The following OPCML variants were observed in gnomAD, a reference collection of about 807,000 sequenced individuals.
OPCML encodes the protein opioid-binding protein/cell adhesion molecule.
In OPCML, 13 loss-of-function variants were observed where a neutral mutation model predicts 37.8. That is an observed-to-expected ratio of 0.34 (90% confidence interval 0.22 to 0.55). The LOEUF (loss-of-function observed/expected upper bound fraction) is 0.55. Among genes scored for constraint, OPCML ranks in the 20% least tolerant of loss-of-function variants. The probability of loss-of-function intolerance (pLI) is 0.91; values close to 1 mark genes in which losing one functional copy is unlikely to be tolerated. For missense variants in OPCML, 341 were observed against 435.6 expected (o/e 0.78, Z 1.93); for synonymous variants, 176 against 168.8 (o/e 1.04, Z -0.33).
chr11:133,421,421 G>A (rs1331707446), intron 1 of OPCML: 1 of 985,392 alleles, frequency 1.0e-6, no homozygotes, highest in African/African-American at 1.7e-5. Flanking sequence ...CGTTGTGTAT[G>A]TTTCTCACTA....
chr11:132,721,950 CTTT>C (rs34325848), intron 2 of OPCML, among the ~76,000 whole-genome samples: 32 of 82,784 alleles, frequency 3.9e-4, no homozygotes, highest in African/African-American at 1.0e-3. Context: ...CTTTCCTTCC[CTTT>C]TTTTTTTTTT....
intron 4 of OPCML, among the ~76,000 whole-genome samples, chr11:132,526,136 T>A (rs1015126203): frequency 6.6e-6 from 1 of 152,130 alleles, no homozygotes; most frequent in African/African-American, 2.4e-5. Context: ...AAAAGGAAAA[T>A]CTTACCAGTG....
At position 133,449,601 on chromosome 11, in the gene OPCML, C is replaced by T. The variant is rs557078663; in HGVS notation, c.61+82663G>A. On this transcript the variant is annotated intron_variant, in intron 1 of 7. Coordinates refer to ENST00000524381, the MANE Select transcript of OPCML (RefSeq NM_001012393.5). ...AATTGTTCTTTGCCTCCCTCAGGTT[C>T]TGGTGGCTCCTGACATTCCTTCGCT... Among the ~76,000 whole-genome samples, 15 of 152,068 alleles carry T rather than the reference C, an allele frequency of 9.9e-5. 1 individual carries two copies. The highest frequency in any genetic ancestry group is 3.6e-4 in the African/African-American group (15 of 41,332).
intron 1 of OPCML, among the ~76,000 whole-genome samples, chr11:133,504,145 C>G (rs909254988): frequency 6.6e-6 from 1 of 152,226 alleles, no homozygotes; most frequent in Non-Finnish European, 1.5e-5. Flanking sequence ...AAGTCACTAT[C>G]TGGGGCTCTG....
intron 1 of OPCML, chr11:133,421,097 G>A (rs1048408178): frequency 6.1e-6 from 6 of 985,296 alleles, no homozygotes; most frequent in African/African-American, 3.5e-5. Flanking sequence ...TCTGCGGTCA[G>A]CAGGGCAGTG....
intron 1 of OPCML, among the ~76,000 whole-genome samples, chr11:133,030,763 C>G (rs551278575): frequency 6.6e-6 from 1 of 152,220 alleles, no homozygotes; most frequent in South Asian, 2.1e-4. Flanking sequence ...TGCTCTGGTT[C>G]TCCTAAAAAG....
chr11:133,023,626 C>T (rs561012818), intron 1 of OPCML, among the ~76,000 whole-genome samples: 7 of 152,124 alleles, frequency 4.6e-5, no homozygotes, highest in Non-Finnish European at 1.0e-4. Flanking sequence ...CATAATTCTA[C>T]GCAACAGTCA....
At chr11:132,771,044 C>T (rs1167819094) in intron 2 of OPCML, among the ~76,000 whole-genome samples, 1 of 152,108 alleles carries the variant, frequency 6.6e-6, no homozygotes, top group East Asian at 1.9e-4. Flanking sequence ...CAGGGTAGTT[C>T]AGTATCATAA....
intron 2 of OPCML, among the ~76,000 whole-genome samples, chr11:132,874,405 C>T (rs1942930825): frequency 2.1e-5 from 3 of 140,596 alleles, no homozygotes; most frequent in Admixed American, 2.1e-4. Flanking sequence ...TCCCTCCCTC[C>T]CTCCCTCCCT....
chr11:132,898,703 T>A (rs1295152373), intron 2 of OPCML, among the ~76,000 whole-genome samples: 1 of 152,166 alleles, frequency 6.6e-6, no homozygotes, highest in Non-Finnish European at 1.5e-5. Flanking sequence ...ATACCCCTAG[T>A]GACCCACTAG....
intron 1 of OPCML, among the ~76,000 whole-genome samples, chr11:132,959,967 A>C (rs1567127): frequency 1.2e-4 from 18 of 152,012 alleles, no homozygotes; most frequent in African/African-American, 4.4e-4. Flanking sequence ...CCAACCTTCC[A>C]TTAAGAAACG....
chr11:133,389,747 T>C (rs1267668008), intron 1 of OPCML, among the ~76,000 whole-genome samples: 2 of 152,246 alleles, frequency 1.3e-5, no homozygotes, highest in African/African-American at 4.8e-5. Flanking sequence ...AATGGTCTTC[T>C]GTGCTAGACT....
At chr11:132,637,060 T>G (rs760370759) in intron 3 of OPCML, among the ~76,000 whole-genome samples, 1 of 152,180 alleles carries the variant, frequency 6.6e-6, no homozygotes, top group Non-Finnish European at 1.5e-5. Flanking sequence ...ATCACCAAGA[T>G]AGATGACTAG....
At chr11:132,589,296 C>T (rs189256984) in intron 3 of OPCML, among the ~76,000 whole-genome samples, 1 of 152,234 alleles carries the variant, frequency 6.6e-6, no homozygotes, top group Non-Finnish European at 1.5e-5. Context: ...TTGGTATTTG[C>T]CTACAGTTTC....
chr11:132,567,974 A>G (rs55795350), intron 3 of OPCML, among the ~76,000 whole-genome samples: 14,109 of 152,106 alleles, frequency 0.093, 820 homozygotes, highest in African/African-American at 0.16. Flanking sequence ...TGTGAGAGTA[A>G]CTCAGCAGCT....
chr11:133,294,433 A>G (rs1049241253), intron 1 of OPCML, among the ~76,000 whole-genome samples: 46 of 152,078 alleles, frequency 3.0e-4, no homozygotes, highest in African/African-American at 1.1e-3. Flanking sequence ...TACTTCATCA[A>G]TGTGGAGGTG....
At chr11:133,048,412 G>C (rs764116758) in intron 1 of OPCML, among the ~76,000 whole-genome samples, 21 of 152,134 alleles carry the variant, frequency 1.4e-4, no homozygotes, top group South Asian at 4.2e-4. Context: ...ACTGCATTAG[G>C]AGAGACGCCT....
intron 4 of OPCML, among the ~76,000 whole-genome samples, chr11:132,460,825 T>A (rs1351885032): frequency 1.3e-5 from 2 of 152,216 alleles, no homozygotes; most frequent in African/African-American, 4.8e-5. Flanking sequence ...AGGGAAAGTG[T>A]TCTCTTAGGA....
intron 1 of OPCML, among the ~76,000 whole-genome samples, chr11:133,277,811 A>G (rs1459423359): frequency 2.0e-5 from 3 of 152,106 alleles, no homozygotes; most frequent in Non-Finnish European, 4.4e-5. Flanking sequence ...TGTATGTAAC[A>G]TAAGTACTTT....
Sources: gnomAD v4.1 joint callset for allele counts (sites outside exome capture counted in the v4.1 genomes callset) on GRCh38, gnomAD v4.1.1 for gene constraint, MANE v1.5 for transcripts, NCBI Gene and HGNC (gene_info 2026-07-23, HGNC 2026-07-21) for gene names.